Variants in PHF14 observed in about 807,000 individuals in gnomAD.
PHF14 encodes the protein PHD finger protein 14.
PHF14 carries 55 observed loss-of-function variants against 117.9 expected under a neutral mutation model. The ratio of observed to expected loss-of-function variants is 0.47; its 90% confidence interval spans 0.38 to 0.58. The LOEUF is 0.58. Ranked by LOEUF, PHF14 falls within the 20% of genes least tolerant of loss-of-function variation. The pLI is 0.00. For synonymous variants in PHF14, 409 were observed against 368.6 expected (o/e 1.11, Z -1.26); for missense variants, 978 against 1,122.2 (o/e 0.87, Z 1.84).
At chr7:11,144,126 T>C (rs1788477092) in intron 17 of PHF14, among the ~76,000 whole-genome samples, 1 of 152,030 alleles carries the variant, frequency 6.6e-6, no homozygotes, top group Admixed American at 6.6e-5. Context: ...ATGCTCAAAA[T>C]CGCTAATCAT....
intron 16 of PHF14, among the ~76,000 whole-genome samples, chr7:11,074,145 T>C (rs1009610535): frequency 5.3e-5 from 8 of 152,224 alleles, no homozygotes; most frequent in African/African-American, 1.7e-4. Flanking sequence ...CTAATCACTT[T>C]AGCAAATGGT....
At chr7:11,077,174 G>C (rs1357840245) in intron 16 of PHF14, among the ~76,000 whole-genome samples, 1 of 151,588 alleles carries the variant, frequency 6.6e-6, no homozygotes, top group Non-Finnish European at 1.5e-5. Flanking sequence ...TAGTCCCTTT[G>C]TCTTGTCTTA....
At position 10,986,859 on chromosome 7, in the gene PHF14, G is replaced by A. The variant is rs530068761; in HGVS notation, c.900+3700G>A. On this transcript the variant is annotated intron_variant, in intron 3 of 17. Coordinates refer to ENST00000634607, the MANE Select transcript of PHF14 (RefSeq NM_001007157.2). Reference sequence around the variant, plus strand: ...ACCGTAAATTATATCAATAGAATTGGCATTTTTGTTTTGTAAAAGAAAGAA... The same window carrying A: ...ACCGTAAATTATATCAATAGAATTGACATTTTTGTTTTGTAAAAGAAAGAA... 5.3e-5 allele frequency among the ~76,000 whole-genome samples: 8 copies of A among 152,238 alleles called. No homozygotes were observed. The East Asian group carries it at 1.2e-3, about 22-fold the overall frequency.
intron 13 of PHF14, among the ~76,000 whole-genome samples, chr7:11,047,015 A>G (rs1475998126): frequency 6.6e-6 from 1 of 151,106 alleles, no homozygotes; most frequent in Non-Finnish European, 1.5e-5. Context: ...GATTCATAAA[A>G]TCCTTTTTTT....
chr7:11,014,452 T>C (rs1783455609), intron 5 of PHF14, among the ~76,000 whole-genome samples: 1 of 152,118 alleles, frequency 6.6e-6, no homozygotes, highest in Admixed American at 6.5e-5. Flanking sequence ...CTACCCTAGG[T>C]TGGGGTTCAG....
At chr7:11,052,628 G>T (rs1784883254) in intron 14 of PHF14, among the ~76,000 whole-genome samples, 1 of 152,100 alleles carries the variant, frequency 6.6e-6, no homozygotes, top group East Asian at 1.9e-4. Context: ...ACAAAGTTTT[G>T]TCCAGTGTTT....
At chr7:11,106,798 C>G (rs1787280171) in intron 16 of PHF14, 2 of 984,002 alleles carry the variant, frequency 2.0e-6, no homozygotes, top group African/African-American at 3.5e-5. Context: ...AAAATCCAAC[C>G]CATCAGTTCT....
chr7:11,123,270 T>C (rs950032369), intron 17 of PHF14, among the ~76,000 whole-genome samples: 1 of 152,182 alleles, frequency 6.6e-6, no homozygotes, highest in African/African-American at 2.4e-5. Flanking sequence ...TTTTAAAATA[T>C]CCTTTTGTCT....
chr7:11,135,129 C>T (rs1341343273), intron 17 of PHF14, among the ~76,000 whole-genome samples: 1 of 152,208 alleles, frequency 6.6e-6, no homozygotes, highest in Admixed American at 6.5e-5. Flanking sequence ...AAATAGTCTC[C>T]TTCAAGAATG....
chr7:11,090,009 G>T (rs1786584127), intron 16 of PHF14, among the ~76,000 whole-genome samples: 1 of 152,180 alleles, frequency 6.6e-6, no homozygotes. Context: ...GACCTCAGGT[G>T]ATTCGCCCGC....
At chr7:11,114,841 C>T (rs557381571) in intron 17 of PHF14, among the ~76,000 whole-genome samples, 1 of 152,154 alleles carries the variant, frequency 6.6e-6, no homozygotes, top group East Asian at 1.9e-4. Flanking sequence ...TTGATTAAGA[C>T]AGCAGCCACC....
rs34658159 is a variant in PHF14, at chr7:10,988,534, GT to G, written c.901-2149del. 2.6e-3 allele frequency among the ~76,000 whole-genome samples: 305 copies of G among 118,148 alleles called. 1 individual carries two copies. Among genetic ancestry groups the G allele is most frequent in the Admixed American group, 4.3e-3 (49 of 11,292 alleles). The allele number at this position is 118,148 out of a possible 152,430, so 77.5% of individuals were successfully genotyped here. A position where few individuals can be genotyped will look rare whatever the true frequency, so the allele number is the denominator to read the frequency against. ...TGTTTGCTAAATTAGTTTCTAGTCT[GT>G]TTTTTTTTTTTTTTTTTTTAACCTA... On this transcript the variant is annotated intron_variant, in intron 3 of 17. Coordinates refer to ENST00000634607, the MANE Select transcript of PHF14 (RefSeq NM_001007157.2).
intron 16 of PHF14, among the ~76,000 whole-genome samples, chr7:11,093,786 A>G (rs995056579): frequency 2.6e-5 from 4 of 151,834 alleles, no homozygotes; most frequent in Admixed American, 1.3e-4. Flanking sequence ...CCTTTTTCCT[A>G]TGGCAGCTTT....
At chr7:11,015,388 C>G (rs1583368381) in intron 5 of PHF14, among the ~76,000 whole-genome samples, 1 of 152,030 alleles carries the variant, frequency 6.6e-6, no homozygotes, top group Admixed American at 6.6e-5. Flanking sequence ...CCTCTTCTTC[C>G]TTATTGTCTA....
chr7:11,052,105 C>T (rs1784867962), intron 14 of PHF14, among the ~76,000 whole-genome samples: 2 of 152,144 alleles, frequency 1.3e-5, no homozygotes, highest in African/African-American at 4.8e-5. Context: ...CCAGAGGCCA[C>T]CTCTTTACTC....
intron 16 of PHF14, among the ~76,000 whole-genome samples, chr7:11,065,150 A>C (rs1785381605): frequency 6.6e-6 from 1 of 152,074 alleles, no homozygotes; most frequent in African/African-American, 2.4e-5. Flanking sequence ...CATCTCAGGC[A>C]ATTTTATTTT....
At chr7:11,104,956 T>G in intron 16 of PHF14, 1 of 941,828 alleles carries the variant, frequency 1.1e-6, no homozygotes, top group Non-Finnish European at 1.3e-6. Flanking sequence ...AAAGGTCCCT[T>G]AGATTTCCTC....
intron 16 of PHF14, among the ~76,000 whole-genome samples, chr7:11,072,227 A>G (rs1440003373): frequency 6.6e-6 from 1 of 152,174 alleles, no homozygotes; most frequent in African/African-American, 2.4e-5. Context: ...GGCAGGGGCC[A>G]GGGGCAAAGA....
intron 17 of PHF14, among the ~76,000 whole-genome samples, chr7:11,158,370 G>A (rs1343587765): frequency 1.3e-5 from 2 of 152,040 alleles, no homozygotes; most frequent in African/African-American, 4.8e-5. Flanking sequence ...GTGCCTTAAT[G>A]GGAAGGCTAC....
Sources: allele counts gnomAD v4.1 joint callset (sites outside exome capture counted in the v4.1 genomes callset), GRCh38; gene constraint gnomAD v4.1.1; transcripts MANE v1.5; gene names NCBI Gene and HGNC (gene_info 2026-07-23, HGNC 2026-07-21).